SELENON: variants seen among roughly 807,000 people sequenced by gnomAD.
The protein encoded by SELENON is selenoprotein N, also known as selenoprotein N, 1.
In SELENON, 44 loss-of-function variants were observed where a neutral mutation model predicts 59.5. The observed-to-expected ratio is 0.74, with a 90% confidence interval of 0.58 to 0.95. The LOEUF (loss-of-function observed/expected upper bound fraction) is 0.95, where lower values mean the gene tolerates loss of function less well. Ranked by LOEUF, SELENON falls within the 40% of genes least tolerant of loss-of-function variation. The probability of loss-of-function intolerance (pLI) is 0.00; values close to 1 mark genes in which losing one functional copy is unlikely to be tolerated. For missense variants in SELENON, 674 were observed against 721.4 expected (o/e 0.93, Z 0.75); for synonymous variants, 320 against 305.6 (o/e 1.05, Z -0.49).
chr1:25,805,013 T>C (rs1243042183), intron 3 of SELENON, 129 bp from the exon 3 acceptor site: 31 of 1,172,578 alleles, frequency 2.6e-5, no homozygotes, highest in Non-Finnish European at 3.8e-5. Context: ...GTTACTTTGG[T>C]GACTGTTAAC....
At chr1:25,808,432 C>T (rs370731211) in intron 4 of SELENON, 148 bp from the exon 4 acceptor site, 1 of 848,598 alleles carries the variant, frequency 1.2e-6, no homozygotes, top group South Asian at 1.5e-5. Context: ...AGCTTGTGGC[C>T]ATCATAAGGG....
rs1030262628 is a variant in SELENON at position 25,804,166 on chromosome 1, G to T, written c.404-976G>T. Among the ~76,000 whole-genome samples the T allele has an allele frequency of 6.6e-5, 10 of 152,284 alleles. No homozygotes were observed. The South Asian group carries it at 2.1e-3, about 32-fold the overall frequency. On this transcript the variant is annotated intron_variant, in intron 3 of 12. Coordinates refer to ENST00000361547, the MANE Select transcript of SELENON (RefSeq NM_020451.3). ...AAATACAGAAATAAGTGATTCTTCA[G>T]AATAGGGATTTGGATCAGGAGCAGC...
intron 3 of SELENON, chr1:25,802,180 C>T: frequency 4.8e-6 from 1 of 209,788 alleles, no homozygotes. Context: ...TGTAGAGATG[C>T]AGTCTCACTA....
intron 1 of SELENON, 70 bp from the exon 2 acceptor site, chr1:25,800,973 C>A: frequency 8.1e-7 from 1 of 1,230,032 alleles, no homozygotes; most frequent in Non-Finnish European, 1.2e-6. Context: ...CATGCGGAAG[C>A]AACTGCCTGT....
At position 25,807,624 on chromosome 1, in the gene SELENON, G is replaced by C. The variant is rs904910066; in HGVS notation, c.538-956G>C. Among the ~76,000 whole-genome samples, 3 of 152,178 alleles carry C rather than the reference G, an allele frequency of 2.0e-5. No individual in the cohort carries two copies. The highest frequency in any genetic ancestry group is 2.9e-5 in the Non-Finnish European group (2 of 68,026). ...CCTGCAGGGGGTGGCAAGCCTACAA[G>C]CAGGACCCAGGAAGGCGGGCTCGGC... On this transcript the variant is annotated intron_variant, in intron 4 of 12. Coordinates refer to ENST00000361547, the MANE Select transcript of SELENON (RefSeq NM_020451.3). This position sits in a 1 kb window ranked among gnomAD's most constrained non-coding sequence, Gnocchi z 4.5.
chr1:25,801,235 C>A, intron 2 of SELENON, 75 bp downstream of exon 2: 2 of 1,169,276 alleles, frequency 1.7e-6, no homozygotes, highest in Non-Finnish European at 2.6e-6. Flanking sequence ...GAGCGGCCGT[C>A]TGGAGTGGAG....
In SELENON at chr1:25,812,748, A is replaced by T; in HGVS notation, c.1343A>T (p.His448Leu). ...GCCAAGGCTGAGAACAAGCTGGTGC[A>T]CTCAATCCTGCTGTGGGGGGCCCTG... Residue 448 changes from histidine to leucine, a missense_variant, in exon 10 of 13, where the codon CAC becomes CTC. His to Leu is a moderately conservative substitution (Grantham distance 99). Transcript: ENST00000361547. The T allele has an allele frequency of 6.2e-7, 1 of 1,613,496 alleles. No homozygotes were observed. Among genetic ancestry groups the T allele is most frequent in the Non-Finnish European group, 8.5e-7 (1 of 1,179,864 alleles).
Position 25,811,750 on chromosome 1 carries a change from C to A in SELENON, c.1152C>A (p.Ser384Arg). 1 of 1,599,942 alleles carries A rather than the reference C, an allele frequency of 6.3e-7. No homozygotes were observed. Among genetic ancestry groups the A allele is most frequent in the South Asian group, 1.1e-5 (1 of 89,182 alleles). ...CCGTGATCCTGGATGAGGATGGCAG[C>A]ATGATCGACAGCCACCTGCCTTCAG... is the stretch of plus-strand genomic sequence containing the variant. The change falls in exon 9 of 13, where the codon AGC becomes AGA. Residue 384 changes from serine to arginine, a missense_variant. Transcript: ENST00000361547.
chr1:25,804,369 A>G (rs1379448830), intron 3 of SELENON, among the ~76,000 whole-genome samples: 1 of 152,130 alleles, frequency 6.6e-6, no homozygotes, highest in Non-Finnish European at 1.5e-5. Context: ...CAGTCAGCAA[A>G]TGCCAGGCAT....
rs767340103 is a variant in SELENON, at chr1:25,809,712, C to T, written c.902C>T (p.Pro301Leu). The change falls in exon 7 of 13, where the codon CCG (proline) becomes CTG (leucine). Residue 301 changes from proline to leucine, a missense_variant. Physicochemically the swap from Pro to Leu is moderately conservative, Grantham distance 98. Coordinates refer to ENST00000361547, the MANE Select transcript of SELENON (RefSeq NM_020451.3). Reference sequence around the variant, plus strand: ...CATGCCGAGTTCCAGCTCAGTGAGCCGCCCGACTTCCCCTTTTGGTTCTCC... The same window carrying T: ...CATGCCGAGTTCCAGCTCAGTGAGCTGCCCGACTTCCCCTTTTGGTTCTCC... The T allele has an allele frequency of 4.3e-6, 7 of 1,614,092 alleles. No individual in the cohort carries two copies. The highest frequency in any genetic ancestry group is 2.2e-5 in the East Asian group (1 of 44,880).
chr1:25,812,636 G>A, intron 9 of SELENON, 51 bp from the exon 9 acceptor site: 1 of 1,414,950 alleles, frequency 7.1e-7, no homozygotes, highest in Non-Finnish European at 9.8e-7. Context: ...AGCCCGAGTG[G>A]GACCCTGGCC....
At chr1:25,810,015 G>T (rs971625526) in intron 7 of SELENON, among the ~76,000 whole-genome samples, 195 bp downstream of exon 6, 1 of 152,192 alleles carries the variant, frequency 6.6e-6, no homozygotes, top group African/African-American at 2.4e-5. Context: ...CTCTTCCCAG[G>T]CACCCGTGGC....
At chr1:25,804,202 C>T (rs954572582) in intron 3 of SELENON, among the ~76,000 whole-genome samples, 36 of 152,140 alleles carry the variant, frequency 2.4e-4, no homozygotes, top group African/African-American at 8.2e-4. Context: ...AGGGAGTGCT[C>T]ATTAAAAGGG....
intron 5 of SELENON, 106 bp from the exon 5 acceptor site, chr1:25,808,920 C>CT (rs2047934013): frequency 6.3e-7 from 1 of 1,587,730 alleles, no homozygotes; most frequent in African/African-American, 1.3e-5. Context: ...GACCTGCCCC[C>CT]TCCCCATGGG....
At chr1:25,810,878 T>C (rs147816899) in intron 7 of SELENON, among the ~76,000 whole-genome samples, 2,923 of 152,256 alleles carry the variant, frequency 0.019, 83 homozygotes, top group African/African-American at 0.066. Context: ...AGAGAGGCAG[T>C]GGCCAGCTCC....
intron 6 of SELENON, 61 bp from the exon 6 acceptor site, chr1:25,809,622 C>T: frequency 1.2e-6 from 2 of 1,607,298 alleles, no homozygotes; most frequent in South Asian, 2.2e-5. Flanking sequence ...CTGGCCAAGG[C>T]TTCCCGGGCT....
At chr1:25,812,644 G>A (rs1388185589) in intron 9 of SELENON, 43 bp from the exon 9 acceptor site, 2 of 1,513,496 alleles carry the variant, frequency 1.3e-6, no homozygotes, top group South Asian at 1.2e-5. Flanking sequence ...TGGGACCCTG[G>A]CCGCTTTGAT....
rs76061061 is a variant in SELENON, at chr1:25,809,515, C to T, written c.873-168C>T. Among the ~76,000 whole-genome samples, 395 of 152,238 alleles carry T rather than the reference C, an allele frequency of 2.6e-3. 2 individuals are homozygous for T. The highest frequency in any genetic ancestry group is 9.2e-3 in the African/African-American group (383 of 41,522). On this transcript the variant is annotated intron_variant, in intron 6 of 12. Transcript: ENST00000361547. ...GCTTCCAGAGGAGGGGCATGTGACC[C>T]GGGCCTCGAAGGATGAGCAGCATTT...
Position 25,800,197 on chromosome 1 carries a change from C to A in SELENON, c.-34C>A. ...CCGGCCCCGCCCCGCTCTTTCGCTT[C>A]CCGGGCCGCCGGCAGCCGCCGCCAG... On this transcript the variant is annotated 5_prime_UTR_variant, in exon 1 of 13. Transcript: ENST00000361547. The A allele has an allele frequency of 2.6e-6, 1 of 385,804 alleles. No individual in the cohort carries two copies. The highest frequency in any genetic ancestry group is 3.5e-6 in the Non-Finnish European group (1 of 284,838). 23.9% of individuals were successfully genotyped at this position (385,804 alleles called of 1,614,324 possible). A position where few individuals can be genotyped will look rare whatever the true frequency, so the allele number is the denominator to read the frequency against.
Sources: allele counts gnomAD v4.1 joint callset (sites outside exome capture counted in the v4.1 genomes callset), GRCh38; gene constraint gnomAD v4.1.1; non-coding constraint Gnocchi (gnomAD v3.1); transcripts MANE v1.5; gene names NCBI Gene and HGNC (gene_info 2026-07-23, HGNC 2026-07-21).